The following USP8 variants were observed in gnomAD, a reference collection of about 807,000 sequenced individuals.
USP8 encodes ubiquitin specific peptidase 8.
Under a neutral mutation model 130.0 loss-of-function variants are expected in USP8, and 27 were observed. That is an observed-to-expected ratio of 0.21 (90% CI 0.15 to 0.29). USP8 has a LOEUF of 0.29. Among genes scored for constraint, USP8 ranks in the 10% least tolerant of loss-of-function variants. USP8 has a pLI of 1.00. For missense variants in USP8, 1,029 were observed against 1,312.2 expected (o/e 0.78, Z 3.33); for synonymous variants, 392 against 444.1 (o/e 0.88, Z 1.48).
chr15:50,438,632 A>G (rs559202040), intron 1 of USP8, among the ~76,000 whole-genome samples: 3 of 152,260 alleles, frequency 2.0e-5, no homozygotes, highest in African/African-American at 7.2e-5. Flanking sequence ...AAATAAATGG[A>G]TATCAATGAG....
intron 8 of USP8, among the ~76,000 whole-genome samples, chr15:50,472,045 C>T (rs1357750161): frequency 1.3e-5 from 2 of 151,582 alleles, no homozygotes; most frequent in Non-Finnish European, 2.9e-5. Context: ...GGACTGCAGG[C>T]GTGAGCCACC....
intron 1 of USP8, among the ~76,000 whole-genome samples, chr15:50,435,273 G>C (rs2414043): frequency 1.6e-4 from 25 of 152,212 alleles, no homozygotes; most frequent in African/African-American, 6.0e-4. Flanking sequence ...GGCCGATTGG[G>C]AATATTTTAA....
Position 50,452,981 on chromosome 15 carries a change from G to GT in USP8, c.335+3499dup, listed in dbSNP as rs147144105. On this transcript the variant is annotated intron_variant, in intron 4 of 19. Transcript: ENST00000307179. Reference sequence around the variant, plus strand: ...CTCTTGTTCCAAATCTTTCACTTCTGTTTCTAACAGTGAAATGATGCTAGC... The same window carrying GT: ...CTCTTGTTCCAAATCTTTCACTTCTGTTTTCTAACAGTGAAATGATGCTAGC... Among the ~76,000 whole-genome samples, 8 of 152,258 alleles carry GT rather than the reference G, an allele frequency of 5.3e-5. No individual in the cohort carries two copies. The East Asian group carries it at 1.5e-3, about 29-fold the overall frequency.
At chr15:50,461,295 A>G (rs2050992247) in intron 5 of USP8, among the ~76,000 whole-genome samples, 2 of 151,826 alleles carry the variant, frequency 1.3e-5, no homozygotes, top group African/African-American at 4.8e-5. Context: ...CCTGGCCTCT[A>G]CAAACATTTT....
At chr15:50,426,266 C>T (rs2049718440) in intron 1 of USP8, among the ~76,000 whole-genome samples, 1 of 152,004 alleles carries the variant, frequency 6.6e-6, no homozygotes, top group Non-Finnish European at 1.5e-5. Flanking sequence ...TGAAAATGCA[C>T]TCATATTTAT....
chr15:50,437,505 G>A (rs1267881509), intron 1 of USP8, among the ~76,000 whole-genome samples: 2 of 152,216 alleles, frequency 1.3e-5, no homozygotes, highest in Non-Finnish European at 2.9e-5. Context: ...GAGAAGGCGG[G>A]CAGGGTATGT....
intron 18 of USP8, chr15:50,497,621 T>C (rs2052468652): frequency 6.5e-6 from 1 of 153,066 alleles, no homozygotes; most frequent in African/African-American, 2.4e-5. Flanking sequence ...ATTTTAATGA[T>C]AAAATATGTT....
chr15:50,513,191 A>G lies in USP8; in HGVS notation c.*14103A>G, dbSNP rs535309902. 1 of 152,314 alleles carries G rather than the reference A, an allele frequency of 6.6e-6. No individual in the cohort carries two copies. Among genetic ancestry groups the G allele is most frequent in the Admixed American group, 6.5e-5 (1 of 15,286 alleles). The allele number at this position is 152,314 out of a possible 1,614,324, so 9.4% of individuals were successfully genotyped here. On this transcript the variant is annotated 3_prime_UTR_variant, in exon 20 of 20. Transcript: ENST00000307179. Reference sequence around the variant, plus strand: ...AAATATGCACATACTTTATGATCTAAGTGACCTCACTCCTAAGTATATACA... The same window carrying G: ...AAATATGCACATACTTTATGATCTAGGTGACCTCACTCCTAAGTATATACA...
chr15:50,467,292 T>C (rs2051225804), intron 7 of USP8, among the ~76,000 whole-genome samples: 1 of 152,200 alleles, frequency 6.6e-6, no homozygotes, highest in African/African-American at 2.4e-5. Flanking sequence ...TTTCCCAAAA[T>C]GTGAGATTTG....
intron 10 of USP8, among the ~76,000 whole-genome samples, chr15:50,479,679 GAC>G (rs1428495258): frequency 6.6e-6 from 1 of 151,718 alleles, no homozygotes. Context: ...CAAAAAAAAA[GAC>G]AAAGGATTTT....
At chr15:50,439,368 A>G (rs2050176899) in intron 2 of USP8, among the ~76,000 whole-genome samples, 191 bp downstream of exon 2, 1 of 152,228 alleles carries the variant, frequency 6.6e-6, no homozygotes, top group Non-Finnish European at 1.5e-5. Context: ...TATGCATATT[A>G]TCTACTCTCC....
chr15:50,460,721 C>G (rs558033810), intron 5 of USP8, among the ~76,000 whole-genome samples: 1 of 152,322 alleles, frequency 6.6e-6, no homozygotes, highest in South Asian at 2.1e-4. Context: ...ATCACCGTAC[C>G]TCCCTTCCTT....
chr15:50,469,327 G>A (rs1248017704), intron 7 of USP8, among the ~76,000 whole-genome samples: 1 of 152,028 alleles, frequency 6.6e-6, no homozygotes, highest in African/African-American at 2.4e-5. Context: ...GACAAGTAGA[G>A]CAGAGTTGGA....
At chr15:50,461,477 G>T (rs903340081) in intron 5 of USP8, among the ~76,000 whole-genome samples, 1 of 126,976 alleles carries the variant, frequency 7.9e-6, no homozygotes, top group African/African-American at 2.7e-5. Context: ...AAAAAAAAAA[G>T]GTCTAAGTGG....
intron 4 of USP8, among the ~76,000 whole-genome samples, chr15:50,454,865 C>G (rs1431599120): frequency 1.3e-5 from 2 of 152,086 alleles, no homozygotes; most frequent in East Asian, 3.8e-4. Flanking sequence ...ACTGCATCCT[C>G]AAACTCCTGG....
At chr15:50,482,580 C>T (rs1474223714) in intron 11 of USP8, among the ~76,000 whole-genome samples, 1 of 152,056 alleles carries the variant, frequency 6.6e-6, no homozygotes, top group Non-Finnish European at 1.5e-5. Flanking sequence ...GCAAATAACC[C>T]AATTAATTTT....
At chr15:50,479,382 C>A (rs11630309) in intron 10 of USP8, among the ~76,000 whole-genome samples, 1 of 152,212 alleles carries the variant, frequency 6.6e-6, no homozygotes, top group African/African-American at 2.4e-5. Context: ...GCGCTAGTCT[C>A]TGTTGGAGAG....
chr15:50,430,263 C>T (rs1393808189), intron 1 of USP8, among the ~76,000 whole-genome samples: 1 of 152,122 alleles, frequency 6.6e-6, no homozygotes, highest in Non-Finnish European at 1.5e-5. Context: ...AAGAGAATCG[C>T]TTGAACCGGG....
chr15:50,450,149 C>G (rs1237868523), intron 4 of USP8, among the ~76,000 whole-genome samples: 8 of 152,068 alleles, frequency 5.3e-5, no homozygotes, highest in African/African-American at 1.9e-4. Context: ...CCCGCCTCAG[C>G]CTCCCAAAGT....
Sources: allele counts gnomAD v4.1 joint callset (sites outside exome capture counted in the v4.1 genomes callset), GRCh38; gene constraint gnomAD v4.1.1; transcripts MANE v1.5; gene names NCBI Gene and HGNC (gene_info 2026-07-23, HGNC 2026-07-21).